COL5A2: variants seen among roughly 807,000 people sequenced by gnomAD.
The protein encoded by COL5A2 is collagen alpha-2(V) chain.
Under a neutral mutation model 208.2 loss-of-function variants are expected in COL5A2, and 23 were observed. That is an observed-to-expected ratio of 0.11 (90% confidence interval 0.08 to 0.16). COL5A2 has a LOEUF of 0.16. Among genes scored for constraint, COL5A2 ranks in the 10% least tolerant of loss-of-function variants. The pLI is 1.00. For synonymous variants in COL5A2, 625 were observed against 628.5 expected (o/e 0.99, Z 0.08); for missense variants, 1,590 against 1,956.4 (o/e 0.81, Z 3.53).
chr2:189,391,820 T>G, the COL5A2 span, among the ~76,000 whole-genome samples: 1 of 152,190 alleles, frequency 6.6e-6, no homozygotes, highest in African/African-American at 2.4e-5. Context: ...TAAAATTATT[T>G]GATTTTTTGT....
At position 189,188,898 on chromosome 2, in the gene COL5A2, C is replaced by A. The variant is rs185495662; in HGVS notation, c.-42+36250G>T. ...GGAAGTCAAAGTGATATATTTTTTTCATATTTAGTCCATCAGTATTTTGTT... is the reference window on the plus strand; with the variant it reads ...GGAAGTCAAAGTGATATATTTTTTTAATATTTAGTCCATCAGTATTTTGTT... On this transcript the variant is annotated intron_variant, in intron 1 of 10. Coordinates refer to the COL5A2 transcript ENST00000649966. Among the ~76,000 whole-genome samples, 3 of 152,268 alleles carry A rather than the reference C, an allele frequency of 2.0e-5. No homozygotes were observed. The East Asian group carries it at 5.8e-4, about 29-fold the overall frequency.
chr2:189,102,802 G>A (rs73051217), intron 3 of COL5A2, among the ~76,000 whole-genome samples: 3 of 152,034 alleles, frequency 2.0e-5, no homozygotes, highest in Admixed American at 6.6e-5. Context: ...TATCAAAGTG[G>A]ATATAAACGA....
intron 1 of COL5A2, among the ~76,000 whole-genome samples, chr2:189,119,158 T>C (rs1375742977): frequency 1.3e-5 from 2 of 152,102 alleles, no homozygotes; most frequent in Non-Finnish European, 2.9e-5. Flanking sequence ...TGGAAAGTTA[T>C]ATCAATAACT....
chr2:189,315,665 C>T, the COL5A2 span, among the ~76,000 whole-genome samples: 5 of 152,064 alleles, frequency 3.3e-5, no homozygotes, highest in East Asian at 9.6e-4. Context: ...ATGACATAAT[C>T]CTGTATCTAG....
At chr2:189,227,023 GA>G (rs1468816414), upstream of COL5A2, among the ~76,000 whole-genome samples, 1 of 152,084 alleles carries the variant, frequency 6.6e-6, no homozygotes. Context: ...CTTCTAAACA[GA>G]AATCTACACA....
the COL5A2 span, among the ~76,000 whole-genome samples, chr2:189,404,565 T>C: frequency 6.6e-6 from 1 of 152,314 alleles, no homozygotes; most frequent in South Asian, 2.1e-4. Context: ...ACCACTGGCT[T>C]TCCTGTTCTC....
intron 1 of COL5A2, among the ~76,000 whole-genome samples, chr2:189,162,887 TC>T (rs1688395285): frequency 6.6e-6 from 1 of 152,064 alleles, no homozygotes; most frequent in African/African-American, 2.4e-5. Flanking sequence ...AGTCCCATTT[TC>T]CCAGAAGATA....
the COL5A2 span, among the ~76,000 whole-genome samples, chr2:189,314,947 C>G: frequency 3.3e-5 from 5 of 152,182 alleles, no homozygotes; most frequent in South Asian, 1.0e-3. Context: ...AAATAGCATA[C>G]CAACCAAAAA....
chr2:189,111,555 C>T (rs77492449), intron 1 of COL5A2, among the ~76,000 whole-genome samples: 4,351 of 148,704 alleles, frequency 0.029, 202 homozygotes, highest in African/African-American at 0.1. Flanking sequence ...GTCATCTCCC[C>T]GCGAAATTCT....
the COL5A2 span, among the ~76,000 whole-genome samples, chr2:189,337,186 TC>T: frequency 2.2e-5 from 3 of 139,530 alleles, no homozygotes; most frequent in Admixed American, 7.3e-5. Flanking sequence ...TTTTTTTTTT[TC>T]TTTTTTTTTT....
At chr2:189,106,510 TA>T (rs1687151333) in intron 2 of COL5A2, among the ~76,000 whole-genome samples, 1 of 151,362 alleles carries the variant, frequency 6.6e-6, no homozygotes, top group Non-Finnish European at 1.5e-5. Context: ...CTCAATTTAA[TA>T]GGTTTGTAAG....
chr2:189,060,777 G>A lies in COL5A2; in HGVS notation c.2038C>T (p.Pro680Ser). 2 of 1,613,378 alleles carry A rather than the reference G, an allele frequency of 1.2e-6. No individual in the cohort carries two copies. Among genetic ancestry groups the A allele is most frequent in the East Asian group, 2.2e-5 (1 of 44,858 alleles). The change falls in exon 31 of 54, where the codon CCT (proline) becomes TCT (serine). Residue 680 changes from proline to serine, a missense_variant. Transcript: ENST00000374866. ...TCTCCAGGAGGCCCTGGAGGACCAGGAAGCCCCTAAAACAAAAGTAAGAAA... is the reference window on the plus strand; with the variant it reads ...TCTCCAGGAGGCCCTGGAGGACCAGAAAGCCCCTAAAACAAAAGTAAGAAA... ...PPGPTGFQGL[P>S]GPPGPPGEGG...
chr2:189,377,395 A>T, the COL5A2 span, among the ~76,000 whole-genome samples: 3 of 152,210 alleles, frequency 2.0e-5, no homozygotes, highest in Admixed American at 1.3e-4. Flanking sequence ...GGTAATGATA[A>T]TCACTGGATA....
At chr2:189,180,249 C>T (rs1688759281), upstream of COL5A2, among the ~76,000 whole-genome samples, 1 of 152,152 alleles carries the variant, frequency 6.6e-6, no homozygotes, top group Admixed American at 6.5e-5. Flanking sequence ...TTATCCCCTT[C>T]TCAGATTCGG....
intron 1 of COL5A2, among the ~76,000 whole-genome samples, chr2:189,173,346 T>A (rs571127455): frequency 6.6e-6 from 1 of 152,280 alleles, no homozygotes; most frequent in East Asian, 1.9e-4. Context: ...TATACATTGT[T>A]TCTTAGTGAA....
the COL5A2 span, among the ~76,000 whole-genome samples, chr2:189,389,076 A>C: frequency 1.3e-5 from 2 of 152,130 alleles, no homozygotes; most frequent in Admixed American, 6.6e-5. Flanking sequence ...GTAAATTTTT[A>C]GGAGTTTTTT....
At chr2:189,399,535 C>A in the COL5A2 span, among the ~76,000 whole-genome samples, 24 of 152,156 alleles carry the variant, frequency 1.6e-4, no homozygotes, top group Non-Finnish European at 2.1e-4. Flanking sequence ...CAGGCGTGAG[C>A]CACTGCACCC....
chr2:189,099,653 C>A (rs547491486), intron 4 of COL5A2, among the ~76,000 whole-genome samples: 1 of 152,032 alleles, frequency 6.6e-6, no homozygotes, highest in East Asian at 1.9e-4. Context: ...AATAATGAAA[C>A]CTGACAGAAC....
intron 1 of COL5A2, among the ~76,000 whole-genome samples, chr2:189,122,724 T>G (rs532975758): frequency 1.8e-4 from 28 of 152,284 alleles, no homozygotes; most frequent in African/African-American, 6.5e-4. Context: ...GCCTGATACA[T>G]GAAATGCTTG....
Sources: allele counts gnomAD v4.1 joint callset (sites outside exome capture counted in the v4.1 genomes callset), GRCh38; gene constraint gnomAD v4.1.1; transcripts MANE v1.5; gene names NCBI Gene and HGNC (gene_info 2026-07-23, HGNC 2026-07-21).